The following ERICH3 variants were observed in gnomAD, a reference collection of about 807,000 sequenced individuals.
The protein encoded by ERICH3 is glutamate-rich protein 3.
Under a neutral mutation model 131.1 loss-of-function variants are expected in ERICH3, and 126 were observed. The observed-to-expected ratio is 0.96, with a 90% CI of 0.83 to 1.11. The LOEUF (loss-of-function observed/expected upper bound fraction) is 1.11, where lower values mean the gene tolerates loss of function less well. Ranked by LOEUF, ERICH3 falls within the 50% of genes most tolerant of loss-of-function variation. The pLI is 0.00. For missense variants in ERICH3, 2,050 were observed against 1,810.7 expected (o/e 1.13, Z -2.40); for synonymous variants, 695 against 644.6 (o/e 1.08, Z -1.18).
At chr1:74,652,100 C>T (rs1353417266) in intron 1 of ERICH3, among the ~76,000 whole-genome samples, 10 of 152,162 alleles carry the variant, frequency 6.6e-5, no homozygotes, top group Non-Finnish European at 1.2e-4. Flanking sequence ...ATATGACTAG[C>T]TTGGTAGGAC....
chr1:74,598,804 G>A (rs934385658), intron 11 of ERICH3, among the ~76,000 whole-genome samples: 2 of 151,856 alleles, frequency 1.3e-5, no homozygotes, highest in Non-Finnish European at 2.9e-5. Flanking sequence ...TTATATCCTT[G>A]TTAGGAATGT....
intron 1 of ERICH3, among the ~76,000 whole-genome samples, chr1:74,651,983 C>T (rs1646539461): frequency 6.6e-6 from 1 of 152,096 alleles, no homozygotes; most frequent in Admixed American, 6.6e-5. Flanking sequence ...TCAAGCAGGT[C>T]CAGTTGGGTT....
intron 14 of ERICH3, 124 bp from the exon 15 acceptor site, chr1:74,570,563 G>A (rs1646924778): frequency 6.6e-6 from 1 of 152,246 alleles, no homozygotes; most frequent in Non-Finnish European, 1.5e-5. Context: ...TTAGTTTTTA[G>A]TTCGACTCTT....
chr1:74,589,357 C>T, intron 12 of ERICH3: 1 of 540,682 alleles, frequency 1.8e-6, no homozygotes, highest in Non-Finnish European at 3.2e-6. Context: ...TGCTTTATTT[C>T]ATTCCTGAGA....
chr1:74,569,943 A>C lies in ERICH3; in HGVS notation c.*515T>G, dbSNP rs1014756317. 2 of 152,222 alleles carry C rather than the reference A, an allele frequency of 1.3e-5. No individual in the cohort carries two copies. The highest frequency in any genetic ancestry group is 4.8e-5 in the African/African-American group (2 of 41,452). The allele number at this position is 152,222 out of a possible 1,614,324, so 9.4% of individuals were successfully genotyped here. ...AGATTTGGAGCAATCTTGAGTTTTG[A>C]GTGTACGTGGGAGGAAATTTAGAGC... On this transcript the variant is annotated 3_prime_UTR_variant, in exon 15 of 15. Transcript: ENST00000326665.
At chr1:74,608,302 T>C (rs1648497424) in intron 9 of ERICH3, among the ~76,000 whole-genome samples, 1 of 151,980 alleles carries the variant, frequency 6.6e-6, no homozygotes, top group Non-Finnish European at 1.5e-5. Context: ...ATGTTTCTGG[T>C]AGTTATCAGT....
chr1:74,592,250 T>G (rs984007850), intron 11 of ERICH3: 1 of 152,164 alleles, frequency 6.6e-6, no homozygotes, highest in East Asian at 1.9e-4. Flanking sequence ...CTCTAGCTAC[T>G]CATTCTTTAT....
chr1:74,608,344 C>T (rs974933274), intron 9 of ERICH3, among the ~76,000 whole-genome samples: 6 of 151,974 alleles, frequency 3.9e-5, no homozygotes, highest in Admixed American at 1.3e-4. Context: ...GAACTACTCA[C>T]GTTCCCCTCT....
intron 3 of ERICH3, among the ~76,000 whole-genome samples, chr1:74,644,567 A>G (rs935158985): frequency 1.3e-5 from 2 of 151,984 alleles, no homozygotes; most frequent in African/African-American, 4.8e-5. Context: ...TACAGTGCAC[A>G]TACCTCCAAC....
intron 13 of ERICH3, among the ~76,000 whole-genome samples, chr1:74,576,395 G>C (rs1438964836): frequency 2.0e-5 from 3 of 152,094 alleles, no homozygotes; most frequent in Non-Finnish European, 4.4e-5. Context: ...AAAAGATATG[G>C]GTTCTCTAAG....
chr1:74,641,188 G>T, intron 5 of ERICH3, 143 bp downstream of exon 5: 3 of 930,240 alleles, frequency 3.2e-6, no homozygotes, highest in Non-Finnish European at 4.7e-6. Context: ...AGACAGAGTT[G>T]AACAGATATA....
At chr1:74,630,911 T>C (rs1646324945) in intron 7 of ERICH3, among the ~76,000 whole-genome samples, 1 of 151,638 alleles carries the variant, frequency 6.6e-6, no homozygotes, top group Non-Finnish European at 1.5e-5. Context: ...AAAAAGGAAA[T>C]TCAAGCAAGC....
intron 8 of ERICH3, among the ~76,000 whole-genome samples, chr1:74,618,903 A>G (rs1381789547): frequency 4.6e-5 from 7 of 152,182 alleles, no homozygotes; most frequent in African/African-American, 7.2e-5. Flanking sequence ...TTAAAACCCT[A>G]TTCACATTTT....
At chr1:74,617,548 C>G (rs1364679784) in intron 8 of ERICH3, among the ~76,000 whole-genome samples, 1 of 152,174 alleles carries the variant, frequency 6.6e-6, no homozygotes, top group African/African-American at 2.4e-5. Flanking sequence ...TACAAATATG[C>G]ATGACTCTCA....
intron 1 of ERICH3, among the ~76,000 whole-genome samples, chr1:74,663,535 A>G (rs1646661508): frequency 6.6e-6 from 1 of 151,708 alleles, no homozygotes; most frequent in African/African-American, 2.4e-5. Flanking sequence ...ATAGCAAGGC[A>G]TGTCCATTGC....
In ERICH3 at chr1:74,573,091, A is replaced by G; in HGVS notation, c.2619T>C (p.Asp873=). 1.2e-6 allele frequency: 2 copies of G among 1,614,100 alleles called. No homozygotes were observed. The highest frequency in any genetic ancestry group is 2.2e-5 in the South Asian group (2 of 91,084). The part of the protein sequence containing the change: ...AAKDAVGLSK[D]EAPEKQALML... ...TCAAGGCTTGCTTTTCAGGAGCCTCATCTTTACTCAGACCCACAGCATCTT... is the reference window on the plus strand; with the variant it reads ...TCAAGGCTTGCTTTTCAGGAGCCTCGTCTTTACTCAGACCCACAGCATCTT... The change falls in exon 14 of 15, where the codon GAT becomes GAC. Residue 873 remains aspartate (D), a synonymous_variant. Coordinates refer to ENST00000326665, the MANE Select transcript of ERICH3 (RefSeq NM_001002912.5).
chr1:74,610,664 C>T lies in ERICH3; in HGVS notation c.1187+1959G>A, dbSNP rs76628679. 8.2e-3 allele frequency among the ~76,000 whole-genome samples: 1,253 copies of T among 151,932 alleles called. 15 individuals are homozygous for T. Among genetic ancestry groups the T allele is most frequent in the African/African-American group, 0.029 (1,187 of 41,450 alleles). On this transcript the variant is annotated intron_variant, in intron 9 of 14. Coordinates refer to ENST00000326665, the MANE Select transcript of ERICH3 (RefSeq NM_001002912.5). ...CCACTACATTCTTCCTCCTGGCTAC[C>T]ACCTAATTACCATTCTTTATAGCAA...
At chr1:74,643,246 G>T in intron 3 of ERICH3, 148 bp from the exon 4 acceptor site, 2 of 577,938 alleles carry the variant, frequency 3.5e-6, no homozygotes, top group Non-Finnish European at 6.0e-6. Flanking sequence ...CAGTGCACAA[G>T]TGGGAATGTA....
chr1:74,575,519 A>C (rs1647035507), intron 13 of ERICH3, among the ~76,000 whole-genome samples: 1 of 152,242 alleles, frequency 6.6e-6, no homozygotes, highest in African/African-American at 2.4e-5. Context: ...ATTTTATTTC[A>C]TTACAGATTA....
Sources: gnomAD v4.1 joint callset for allele counts (sites outside exome capture counted in the v4.1 genomes callset) on GRCh38, gnomAD v4.1.1 for gene constraint, MANE v1.5 for transcripts, NCBI Gene and HGNC (gene_info 2026-07-23, HGNC 2026-07-21) for gene names.